Variants in WDR44 observed in about 807,000 individuals in gnomAD.
The protein encoded by WDR44 is WD repeat domain 44, also known as WD repeat-containing protein 44.
In WDR44, 9 loss-of-function variants were observed where a neutral mutation model predicts 65.7. The ratio of observed to expected loss-of-function variants is 0.14; its 90% CI spans 0.08 to 0.24. WDR44 has a LOEUF of 0.24. WDR44 is among the 10% of genes least tolerant of loss of function. WDR44 has a pLI of 1.00. For synonymous variants in WDR44, 220 were observed against 235.2 expected (o/e 0.94, Z 0.59); for missense variants, 425 against 670.9 (o/e 0.63, Z 4.05).
At chrX:118,427,683 CTT>C (rs1226853723) in intron 12 of WDR44, among the ~76,000 whole-genome samples, 61 of 91,664 alleles carry the variant, frequency 6.7e-4, no homozygotes, top group African/African-American at 1.7e-3. Flanking sequence ...GGGCAGGAAT[CTT>C]TTTTTTTTTT....
rs1204840676 is a variant in WDR44 at position 118,402,087 on chromosome X, T to A, written c.1275-2251T>A. 2.7e-5 allele frequency among the ~76,000 whole-genome samples: 3 copies of A among 109,542 alleles called. No homozygotes were observed. In the Admixed American group the frequency reaches 3.0e-4, roughly 11 times the overall value. On this transcript the variant is annotated intron_variant, in intron 8 of 19. Coordinates refer to ENST00000254029, the MANE Select transcript of WDR44 (RefSeq NM_019045.5). ...ATATCAGCACTAATAATATATATAT[T>A]GTAGTCTTTCTGAGAGCCAGATATG...
At chrX:118,353,899 T>G (rs943075418) in intron 1 of WDR44, among the ~76,000 whole-genome samples, 24 of 112,473 alleles carry the variant, frequency 2.1e-4, no homozygotes, top group Non-Finnish European at 3.9e-4. Flanking sequence ...ATGTTTGGCC[T>G]TTAGATTAAT....
chrX:118,363,478 G>A (rs979307900), intron 1 of WDR44, among the ~76,000 whole-genome samples: 1 of 109,272 alleles, frequency 9.2e-6, no homozygotes, highest in African/African-American at 3.3e-5. Flanking sequence ...ATACATGCAC[G>A]TATGATGAAC....
intron 3 of WDR44, 40 bp downstream of exon 3, chrX:118,387,454 A>C (rs1309019510): frequency 1.0e-6 from 1 of 993,323 alleles, no homozygotes; most frequent in Admixed American, 2.6e-5. Flanking sequence ...TATAGCAGAC[A>C]TCATATTTAT....
At chrX:118,403,643 G>A (rs2147714114) in intron 8 of WDR44, among the ~76,000 whole-genome samples, 1 of 111,571 alleles carries the variant, frequency 9.0e-6, no homozygotes, top group East Asian at 2.8e-4. Flanking sequence ...CTCCTGATTT[G>A]TATTTCTTTT....
intron 12 of WDR44, among the ~76,000 whole-genome samples, chrX:118,427,639 G>A (rs1264955593): frequency 9.3e-6 from 1 of 107,754 alleles, no homozygotes; most frequent in Non-Finnish European, 1.9e-5. Context: ...AGCCGTCTCA[G>A]TACATCCTCT....
At chrX:118,350,227 C>A (rs753899845) in intron 1 of WDR44, among the ~76,000 whole-genome samples, 1 of 111,789 alleles carries the variant, frequency 8.9e-6, no homozygotes, top group Non-Finnish European at 1.9e-5. Context: ...TAAACTCCTT[C>A]GTGTAAAATG....
rs2056347892 is a variant in WDR44, at chrX:118,346,231, T to A, written c.-273T>A. The A allele has an allele frequency of 7.7e-6, 3 of 387,296 alleles. No individual in the cohort carries two copies. Among genetic ancestry groups the A allele is most frequent in the East Asian group, 4.5e-5 (1 of 22,439 alleles). The allele number at this position is 387,296 out of a possible 1,213,427, so 31.9% of individuals were successfully genotyped here. On this transcript the variant is annotated 5_prime_UTR_variant, in exon 1 of 20. Transcript: ENST00000254029. ...GGAGCCACCGCCTCTTTCGCGCTCCTTATACACCTATCACTGGGAGCGGTG... is the reference window on the plus strand; with the variant it reads ...GGAGCCACCGCCTCTTTCGCGCTCCATATACACCTATCACTGGGAGCGGTG...
At chrX:118,376,637 G>A (rs754179933) in intron 1 of WDR44, among the ~76,000 whole-genome samples, 1 of 111,390 alleles carries the variant, frequency 9.0e-6, no homozygotes, top group South Asian at 3.8e-4. Flanking sequence ...CTTTGAAGCA[G>A]ATATCAGACT....
At chrX:118,386,520 T>G (rs1482942471) in intron 2 of WDR44, 1 of 337,756 alleles carries the variant, frequency 3.0e-6, no homozygotes, top group Non-Finnish European at 5.6e-6. Context: ...TCATTTAACT[T>G]CTGGTTAAGT....
At chrX:118,351,733 T>C (rs1445273176) in intron 1 of WDR44, among the ~76,000 whole-genome samples, 3 of 111,067 alleles carry the variant, frequency 2.7e-5, no homozygotes, top group Non-Finnish European at 5.7e-5. Context: ...GTGGATCACC[T>C]GAGGTCAGGA....
chrX:118,390,041 ACAC>A (rs951200327), intron 3 of WDR44, among the ~76,000 whole-genome samples: 1 of 107,860 alleles, frequency 9.3e-6, no homozygotes, highest in Non-Finnish European at 1.9e-5. Context: ...TTACACCAAC[ACAC>A]CACCACGCCA....
intron 13 of WDR44, 94 bp downstream of exon 13, chrX:118,432,988 GTTTT>G (rs1459810747): frequency 1.2e-6 from 1 of 802,757 alleles, no homozygotes; most frequent in African/African-American, 2.1e-5. Flanking sequence ...GGAAACCTCA[GTTTT>G]TTGTCTTAAG....
intron 16 of WDR44, 79 bp from the exon 17 acceptor site, chrX:118,442,486 G>A (rs761138744): frequency 1.2e-4 from 117 of 987,887 alleles, no homozygotes; most frequent in Non-Finnish European, 1.6e-4. Flanking sequence ...GTTTGTATGT[G>A]TGTAACACCC....
intron 2 of WDR44, among the ~76,000 whole-genome samples, 190 bp from the exon 3 acceptor site, chrX:118,387,150 C>T (rs2056776437): frequency 1.0e-5 from 1 of 97,718 alleles, no homozygotes; most frequent in South Asian, 5.1e-4. Flanking sequence ...CCACTGCACT[C>T]CAGCCTGGGT....
chrX:118,363,315 T>C (rs1194613127), intron 1 of WDR44, among the ~76,000 whole-genome samples: 1 of 104,454 alleles, frequency 9.6e-6, no homozygotes, highest in African/African-American at 3.5e-5. Context: ...GGCAGGAGAA[T>C]TGCTTGAACC....
At chrX:118,441,179 C>T (rs1230738421) in intron 14 of WDR44, among the ~76,000 whole-genome samples, 189 bp from the exon 15 acceptor site, 1 of 109,850 alleles carries the variant, frequency 9.1e-6, no homozygotes, top group Non-Finnish European at 1.9e-5. Flanking sequence ...AGGATAGTGT[C>T]GATCTCTTGA....
At chrX:118,378,219 C>T (rs2056679605) in intron 1 of WDR44, among the ~76,000 whole-genome samples, 200 bp from the exon 2 acceptor site, 1 of 112,318 alleles carries the variant, frequency 8.9e-6, no homozygotes. Flanking sequence ...TCCCAAAGTG[C>T]TGGGATTACA....
rs748825272 is a variant in WDR44 at position 118,406,961 on chromosome X, G to A, written c.1468G>A (p.Gly490Ser). The A allele has an allele frequency of 8.3e-6, 10 of 1,209,360 alleles. No homozygotes were observed. Among genetic ancestry groups the A allele is most frequent in the African/African-American group, 5.3e-5 (3 of 57,081 alleles). ...ACCAGTTAAATTCAAAGCAGCACAC[G>A]GTTTCAAAGGACCTTATGATTTTGA... ...TRPVKFKAAH[G>S]FKGPYDFDQI... The change falls in exon 10 of 20, where the codon GGT becomes AGT. Residue 490 changes from glycine (G) to serine (S), a missense_variant. Physicochemically the swap from Gly to Ser is moderately conservative, Grantham distance 56. Coordinates refer to ENST00000254029, the MANE Select transcript of WDR44 (RefSeq NM_019045.5).
Sources: allele counts gnomAD v4.1 joint callset (sites outside exome capture counted in the v4.1 genomes callset), GRCh38; gene constraint gnomAD v4.1.1; transcripts MANE v1.5; gene names NCBI Gene and HGNC (gene_info 2026-07-23, HGNC 2026-07-21).